Variants in FNTB observed in about 807,000 individuals in gnomAD.
FNTB encodes the protein protein farnesyltransferase subunit beta.
Under a neutral mutation model 59.4 loss-of-function variants are expected in FNTB, and 27 were observed. The observed-to-expected ratio is 0.45, with a 90% CI of 0.34 to 0.63. FNTB has a LOEUF of 0.63. Among genes scored for constraint, FNTB ranks in the 20% least tolerant of loss-of-function variants. The probability of loss-of-function intolerance (pLI) is 0.02; values close to 1 mark genes in which losing one functional copy is unlikely to be tolerated. For synonymous variants in FNTB, 230 were observed against 220.7 expected (o/e 1.04, Z -0.37); for missense variants, 449 against 559.6 (o/e 0.80, Z 1.99).
At chr14:64,992,570 G>A (rs190663291) in intron 1 of FNTB, among the ~76,000 whole-genome samples, 12 of 152,268 alleles carry the variant, frequency 7.9e-5, no homozygotes, top group African/African-American at 2.9e-4. Context: ...TATGAATAAG[G>A]TGTTACCACT....
rs1183866852 is a variant in FNTB, at chr14:65,032,012, G to GTGTGTGTGTA, written c.606-591_606-590insGTATGTGTGT. The stretch of plus-strand genomic sequence containing the variant: ...TGTGTGTGTGTGTGTGTGTGTGTGT[G>GTGTGTGTGTA]TGTGTGTACTGGTGAGAGGTTTGAA... On this transcript the variant is annotated intron_variant, in intron 6 of 11. Transcript: ENST00000246166. This position sits in a 1 kb window ranked among gnomAD's most constrained non-coding sequence, Gnocchi z 5.0. 2.0e-5 allele frequency among the ~76,000 whole-genome samples: 3 copies of GTGTGTGTGTA among 151,746 alleles called. No homozygotes were observed. The highest frequency in any genetic ancestry group is 7.3e-5 in the African/African-American group (3 of 41,234).
intron 1 of FNTB, among the ~76,000 whole-genome samples, chr14:64,996,766 C>CTTTTTTTTTTTTTT (rs34327825): frequency 4.2e-5 from 4 of 94,462 alleles, no homozygotes; most frequent in African/African-American, 1.2e-4. Flanking sequence ...TTGCTAACAT[C>CTTTTTTTTTTTTTT]TTTTTTTTTT....
At chr14:65,036,349 G>C (rs532466139) in intron 7 of FNTB, among the ~76,000 whole-genome samples, 1 of 151,828 alleles carries the variant, frequency 6.6e-6, no homozygotes, top group African/African-American at 2.4e-5. Context: ...TGATCCTCCT[G>C]CTTCAGCTTT....
chr14:65,040,253 A>G (rs536379099), intron 7 of FNTB, among the ~76,000 whole-genome samples: 1 of 119,248 alleles, frequency 8.4e-6, no homozygotes, highest in South Asian at 2.4e-4. Flanking sequence ...ATCACTATAT[A>G]TATATGTATA....
At chr14:65,013,739 G>T (rs2061722125) in intron 3 of FNTB, among the ~76,000 whole-genome samples, 1 of 152,084 alleles carries the variant, frequency 6.6e-6, no homozygotes, top group Non-Finnish European at 1.5e-5. Context: ...GTAGAGACAG[G>T]GTTTCACCAT....
chr14:65,051,919 T>C (rs867799257), intron 9 of FNTB, among the ~76,000 whole-genome samples: 17 of 151,706 alleles, frequency 1.1e-4, no homozygotes, highest in African/African-American at 4.1e-4. Context: ...CTCAGCCTCC[T>C]GAGTAGCTGG....
chr14:65,049,754 C>T (rs575517653), intron 9 of FNTB, among the ~76,000 whole-genome samples: 2 of 152,084 alleles, frequency 1.3e-5, no homozygotes, highest in South Asian at 4.2e-4. Flanking sequence ...ATGTGTAATG[C>T]AGTTTCCTAA....
chr14:65,006,131 C>G (rs2061583189), intron 2 of FNTB: 1 of 1,603,856 alleles, frequency 6.2e-7, no homozygotes, highest in African/African-American at 1.4e-5. Context: ...ATAAATAGGT[C>G]CAGCTTTGTT....
chr14:65,024,782 A>G (rs745379016), intron 4 of FNTB, among the ~76,000 whole-genome samples: 26 of 151,432 alleles, frequency 1.7e-4, no homozygotes, highest in South Asian at 6.3e-4. Context: ...CATTTGTGGG[A>G]AAAAAAAATA....
chr14:65,005,960 C>A (rs1430477440), intron 2 of FNTB, among the ~76,000 whole-genome samples: 1 of 152,084 alleles, frequency 6.6e-6, no homozygotes, highest in Admixed American at 6.6e-5. Flanking sequence ...CATCTCTGAA[C>A]AAAGTGTGGT....
intron 2 of FNTB, among the ~76,000 whole-genome samples, chr14:65,008,651 TC>T (rs1278328359): frequency 1.3e-5 from 2 of 152,098 alleles, no homozygotes; most frequent in Non-Finnish European, 2.9e-5. Flanking sequence ...GGGAGAGTGT[TC>T]CAGGCAGAGG....
chr14:65,012,525 G>A lies in FNTB; in HGVS notation c.282+136G>A. On this transcript the variant is annotated intron_variant, in intron 3 of 11. Transcript: ENST00000246166. This position sits in a 1 kb window ranked among gnomAD's most constrained non-coding sequence, Gnocchi z 5.0. ...TTGTTCTCTGTGGCTCTGGCAGGAG[G>A]TAGGGTGCTGTCACAGAGCTGGGAC... 2 of 1,210,140 alleles carry A rather than the reference G, an allele frequency of 1.7e-6. No homozygotes were observed. The highest frequency in any genetic ancestry group is 2.8e-5 in the South Asian group (2 of 70,364). 75.0% of individuals were successfully genotyped at this position (1,210,140 alleles called of 1,614,324 possible).
rs1248302844 is a variant in FNTB, at chr14:65,029,376, G to GA, written c.605+1596dup. On this transcript the variant is annotated intron_variant, in intron 6 of 11. Transcript: ENST00000246166. This position sits in a 1 kb window ranked among gnomAD's most constrained non-coding sequence, Gnocchi z 4.7. ...ACTTGGAGAAAAGCAGCAGTGATGG[G>GA]AGAGTTTGACATCTGGAGACTAGCT... 3.9e-5 allele frequency among the ~76,000 whole-genome samples: 6 copies of GA among 152,204 alleles called. No individual in the cohort carries two copies. The highest frequency in any genetic ancestry group is 8.8e-5 in the Non-Finnish European group (6 of 68,046).
chr14:65,029,917 A>G lies in FNTB; in HGVS notation c.605+2136A>G, dbSNP rs943834489. ...GGAGGGAGAGAGAGCAGGAAGACTG[A>G]TCCAGGTTGAAGAAGGCTTGGATTT... On this transcript the variant is annotated intron_variant, in intron 6 of 11. Transcript: ENST00000246166. The surrounding 1 kb of genome is among the most constrained non-coding windows in gnomAD (Gnocchi z 4.7). Among the ~76,000 whole-genome samples, 22 of 152,208 alleles carry G rather than the reference A, an allele frequency of 1.4e-4. No individual in the cohort carries two copies. Among genetic ancestry groups the G allele is most frequent in the African/African-American group, 5.1e-4 (21 of 41,456 alleles).
intron 9 of FNTB, among the ~76,000 whole-genome samples, chr14:65,045,977 A>G (rs1320239424): frequency 6.6e-6 from 1 of 152,032 alleles, no homozygotes; most frequent in Admixed American, 6.6e-5. Flanking sequence ...CAAGTCAAAC[A>G]TTTTTTATTT....
Position 65,012,244 on chromosome 14 carries a change from G to A in FNTB, c.210-73G>A. Reference sequence around the variant, plus strand: ...AAGCTGAGTGTTTACCCGTGTGTGTGTACGTGCACATACGTGTGTATGGTG... The same window carrying A: ...AAGCTGAGTGTTTACCCGTGTGTGTATACGTGCACATACGTGTGTATGGTG... On this transcript the variant is annotated intron_variant, in intron 2 of 11. Transcript: ENST00000246166. This position sits in a 1 kb window ranked among gnomAD's most constrained non-coding sequence, Gnocchi z 5.0. 6.3e-7 allele frequency: 1 copy of A among 1,577,960 alleles called. No individual in the cohort carries two copies. The highest frequency in any genetic ancestry group is 8.7e-7 in the Non-Finnish European group (1 of 1,148,722).
Position 65,060,188 on chromosome 14 carries a change from A to T in FNTB, c.1183-993A>T, listed in dbSNP as rs1314152670. Among the ~76,000 whole-genome samples the T allele has an allele frequency of 2.6e-5, 4 of 152,210 alleles. No individual in the cohort carries two copies. In the East Asian group the frequency reaches 7.7e-4, roughly 29 times the overall value. On this transcript the variant is annotated intron_variant, in intron 11 of 11. Transcript: ENST00000246166. ...TGTTTATTGTTTTAATAATTGGGATACATAAAATATAAAAAAGAAAATGAA... is the reference window on the plus strand; with the variant it reads ...TGTTTATTGTTTTAATAATTGGGATTCATAAAATATAAAAAAGAAAATGAA...
chr14:65,055,260 C>A (rs942761945), intron 11 of FNTB, among the ~76,000 whole-genome samples: 21 of 152,232 alleles, frequency 1.4e-4, no homozygotes, highest in African/African-American at 5.1e-4. Flanking sequence ...ACTGCTGCAG[C>A]CAGCTGAGGA....
At position 65,027,675 on chromosome 14, in the gene FNTB, C is replaced by A; in HGVS notation, c.522-23C>A. On this transcript the variant is annotated intron_variant, in intron 5 of 11. Coordinates refer to ENST00000246166, the MANE Select transcript of FNTB (RefSeq NM_002028.4). This position sits in a 1 kb window ranked among gnomAD's most constrained non-coding sequence, Gnocchi z 5.7. ...TGACACGCACTGACTGTTGCCTCTC[C>A]TACCTCTTTCCCTGTTTCTCAGAGA... The A allele has an allele frequency of 6.2e-7, 1 of 1,614,182 alleles. No individual in the cohort carries two copies. The highest frequency in any genetic ancestry group is 8.5e-7 in the Non-Finnish European group (1 of 1,180,010).
Sources: allele counts gnomAD v4.1 joint callset (sites outside exome capture counted in the v4.1 genomes callset), GRCh38; gene constraint gnomAD v4.1.1; non-coding constraint Gnocchi (gnomAD v3.1); transcripts MANE v1.5; gene names NCBI Gene and HGNC (gene_info 2026-07-23, HGNC 2026-07-21).